ACSL6: variants seen among roughly 807,000 people sequenced by gnomAD.
ACSL6 encodes the protein acyl-CoA synthetase long chain family member 6.
Under a neutral mutation model 98.2 loss-of-function variants are expected in ACSL6, and 47 were observed. The ratio of observed to expected loss-of-function variants is 0.48; its 90% CI spans 0.38 to 0.61. The LOEUF is 0.61. Among genes scored for constraint, ACSL6 ranks in the 20% least tolerant of loss-of-function variants. The pLI is 0.00. For synonymous variants in ACSL6, 362 were observed against 336.9 expected, an observed-to-expected ratio of 1.07 and a Z score of -0.82; for missense variants, 761 against 913.4, an observed-to-expected ratio of 0.83 and a Z score of 2.15.
At chr5:131,973,634 T>G in intron 11 of ACSL6, 1 of 417,842 alleles carries the variant, frequency 2.4e-6, no homozygotes, top group Non-Finnish European at 4.3e-6. Flanking sequence ...AGTGGAATCC[T>G]GAGCCTCTGG....
At position 131,968,024 on chromosome 5, in the gene ACSL6, G is replaced by A. The variant is rs532996587; in HGVS notation, c.1512C>T (p.His504=). ...GATTGCAGGGAAGTGGCGCCCCTAC[G>A]TGCCCTGGAACACCGGAGCAAGATG... The part of the protein sequence containing the change: ...FTTPGDWTSG[H]VGAPLPCNHI... The change falls in exon 16 of 21, where the codon CAC becomes CAT. Residue 504 remains histidine, a synonymous_variant. Transcript: ENST00000651883. The A allele has an allele frequency of 1.3e-5, 21 of 1,613,372 alleles. No homozygotes were observed. Among genetic ancestry groups the A allele is most frequent in the Admixed American group, 3.3e-5 (2 of 59,990 alleles).
chr5:131,967,844 C>T, intron 16 of ACSL6, 96 bp downstream of exon 16: 1 of 1,134,178 alleles, frequency 8.8e-7, no homozygotes, highest in Non-Finnish European at 1.3e-6. Flanking sequence ...TGACTTTATA[C>T]ACAAGGCAAA....
intron 6 of ACSL6, chr5:131,988,469 C>G: frequency 6.5e-7 from 1 of 1,536,048 alleles, no homozygotes; most frequent in Non-Finnish European, 8.9e-7. Flanking sequence ...TTGTTCCAGG[C>G]TCTGCCCCCA....
intron 1 of ACSL6, among the ~76,000 whole-genome samples, chr5:132,008,151 G>A (rs1162172451): frequency 1.3e-5 from 2 of 152,214 alleles, no homozygotes; most frequent in African/African-American, 2.4e-5. Flanking sequence ...CATGTCCCCA[G>A]CTGGCCACAG....
At chr5:131,966,666 C>A in intron 16 of ACSL6, 134 bp from the exon 17 acceptor site, 2 of 779,602 alleles carry the variant, frequency 2.6e-6, no homozygotes, top group South Asian at 3.0e-5. Context: ...GGGATGGAAA[C>A]AGAGGACAAG....
At chr5:131,973,636 A>C (rs1753442592) in intron 11 of ACSL6, 2 of 401,360 alleles carry the variant, frequency 5.0e-6, no homozygotes, top group South Asian at 9.1e-5. Flanking sequence ...TGGAATCCTG[A>C]GCCTCTGGGA....
chr5:132,007,582 G>T (rs914910687), intron 1 of ACSL6, among the ~76,000 whole-genome samples: 1 of 152,194 alleles, frequency 6.6e-6, no homozygotes, highest in Non-Finnish European at 1.5e-5. Flanking sequence ...GAGTCTCAGG[G>T]CCTCACCTAG....
chr5:131,986,989 ACACACACACAC>A, intron 7 of ACSL6, 135 bp from the exon 8 acceptor site: 22 of 430,438 alleles, frequency 5.1e-5, no homozygotes, highest in Non-Finnish European at 9.1e-5. Flanking sequence ...ACTCACACAC[ACACACACACAC>A]CACACACAAA....
intron 9 of ACSL6, chr5:131,984,218 T>C (rs1218389545): frequency 6.6e-6 from 1 of 152,246 alleles, no homozygotes; most frequent in Non-Finnish European, 1.5e-5. Context: ...TGTGAGTTAA[T>C]GGTAAAAATC....
intron 20 of ACSL6, among the ~76,000 whole-genome samples, chr5:131,955,330 T>A (rs758923901): frequency 7.9e-5 from 12 of 152,212 alleles, no homozygotes; most frequent in Non-Finnish European, 1.8e-4. Flanking sequence ...TCTTTCAGTA[T>A]GCTTGACATT....
Position 131,960,537 on chromosome 5 carries a change from C to A in ACSL6, c.1942G>T (p.Asp648Tyr). Residue 648 changes from aspartate to tyrosine, a missense_variant, in exon 19 of 21, where the codon GAT (aspartate) becomes TAT (tyrosine). Physicochemically the swap from Asp to Tyr is radical, Grantham distance 160. Transcript: ENST00000651883. ...ATACCAACCTTATTTGTGCAGAGAT[C>A]TGCATATGTTCCTTCAATTCCTCTC... Reference protein sequence around the residue: ...QKRGIEGTYADLCTNKDLKKA... With the variant: ...QKRGIEGTYAYLCTNKDLKKA... 1.9e-6 allele frequency: 3 copies of A among 1,613,910 alleles called. No homozygotes were observed. Among genetic ancestry groups the A allele is most frequent in the Non-Finnish European group, 2.5e-6 (3 of 1,179,942 alleles).
At chr5:131,994,348 T>C in intron 1 of ACSL6, 97 bp from the exon 2 acceptor site, 1 of 1,085,142 alleles carries the variant, frequency 9.2e-7, no homozygotes, top group South Asian at 1.5e-5. Flanking sequence ...TGAAACACTG[T>C]AGGGCAGGCC....
Position 131,991,186 on chromosome 5 carries a change from A to T in ACSL6, c.271-219T>A, listed in dbSNP as rs112878453. Among the ~76,000 whole-genome samples, 303 of 152,334 alleles carry T rather than the reference A, an allele frequency of 2.0e-3. 5 individuals are homozygous for T. Among genetic ancestry groups the T allele is most frequent in the Middle Eastern group, 6.8e-3 (2 of 294 alleles). Reference sequence around the variant, plus strand: ...ACACTCCGACATAGTTGGCTCATGCATAAAGGCCGGGTATACCAGTGTCCC... The same window carrying T: ...ACACTCCGACATAGTTGGCTCATGCTTAAAGGCCGGGTATACCAGTGTCCC... On this transcript the variant is annotated intron_variant, in intron 2 of 20. Transcript: ENST00000651883.
intron 1 of ACSL6, among the ~76,000 whole-genome samples, chr5:132,001,591 C>T (rs1170351563): frequency 1.3e-5 from 2 of 152,186 alleles, no homozygotes; most frequent in African/African-American, 2.4e-5. Context: ...TGGTGGCTCA[C>T]CTGCCAAGCT....
intron 15 of ACSL6, 23 bp from the exon 16 acceptor site, chr5:131,968,051 C>T: frequency 6.2e-7 from 1 of 1,605,116 alleles, no homozygotes; most frequent in Non-Finnish European, 8.5e-7. Context: ...AGCAAGATGG[C>T]ATTTGTTAGT....
intron 1 of ACSL6, among the ~76,000 whole-genome samples, chr5:132,008,751 C>A (rs1056180356): frequency 6.6e-6 from 1 of 152,218 alleles, no homozygotes; most frequent in East Asian, 1.9e-4. Flanking sequence ...CTATCTCTGA[C>A]AAATTCCCCT....
chr5:132,003,784 C>G (rs1056988831), intron 1 of ACSL6: 7 of 152,342 alleles, frequency 4.6e-5, no homozygotes, highest in Admixed American at 3.9e-4. Context: ...GAACTGGAGG[C>G]CTCGGTGGCT....
chr5:131,954,554 T>G (rs1413845752), intron 20 of ACSL6, among the ~76,000 whole-genome samples, 183 bp from the exon 21 acceptor site: 1 of 152,212 alleles, frequency 6.6e-6, no homozygotes, highest in Non-Finnish European at 1.5e-5. Flanking sequence ...CTTTTTTCCT[T>G]CCTATTCATT....
chr5:131,980,259 A>T (rs1448069227), intron 9 of ACSL6, among the ~76,000 whole-genome samples: 1 of 152,128 alleles, frequency 6.6e-6, no homozygotes, highest in South Asian at 2.1e-4. Flanking sequence ...AAGGCTCTCA[A>T]ATCTTTAGGT....
Sources: allele counts gnomAD v4.1 joint callset (sites outside exome capture counted in the v4.1 genomes callset), GRCh38; gene constraint gnomAD v4.1.1; transcripts MANE v1.5; gene names NCBI Gene and HGNC (gene_info 2026-07-23, HGNC 2026-07-21).